Variants in COX7B2 observed in about 807,000 individuals in gnomAD.
COX7B2 encodes the protein cytochrome c oxidase subunit 7B2.
For synonymous variants in COX7B2, 37 were observed against 32.1 expected (o/e 1.15, Z -0.51); for missense variants, 109 against 95.9 (o/e 1.14, Z -0.57).
At chr4:46,805,414 A>ATG (rs1164315527) in intron 2 of COX7B2, among the ~76,000 whole-genome samples, 1 of 152,376 alleles carries the variant, frequency 6.6e-6, no homozygotes. Context: ...AAAACTACTT[A>ATG]TGTGTGTGTG....
chr4:46,757,967 A>G (rs1426572365), intron 2 of COX7B2, among the ~76,000 whole-genome samples: 1 of 152,172 alleles, frequency 6.6e-6, no homozygotes, highest in East Asian at 1.9e-4. Context: ...AGCATAATGC[A>G]GAAGCTTGCA....
At chr4:46,735,520 A>C (rs78163545) in intron 2 of COX7B2, among the ~76,000 whole-genome samples, 1 of 152,292 alleles carries the variant, frequency 6.6e-6, no homozygotes, top group East Asian at 1.9e-4. Context: ...ACTCATCACA[A>C]ATATCCAATG....
At chr4:46,871,515 T>C (rs140783266) in intron 1 of COX7B2, among the ~76,000 whole-genome samples, 8 of 152,192 alleles carry the variant, frequency 5.3e-5, no homozygotes, top group Non-Finnish European at 8.8e-5. Flanking sequence ...TAAAACCTTC[T>C]GCACAGCAAA....
chr4:46,896,478 G>A (rs1719769371), intron 1 of COX7B2, among the ~76,000 whole-genome samples: 2 of 152,028 alleles, frequency 1.3e-5, no homozygotes, highest in Non-Finnish European at 2.9e-5. Flanking sequence ...AATTACACCA[G>A]CATTGTAAAA....
chr4:46,766,843 C>A (rs540816051), intron 2 of COX7B2, among the ~76,000 whole-genome samples: 176 of 152,042 alleles, frequency 1.2e-3, no homozygotes, highest in African/African-American at 4.1e-3. Flanking sequence ...ACCACAAAGT[C>A]AATCTCTGTA....
chr4:46,877,053 CA>C (rs1391957871), intron 1 of COX7B2, among the ~76,000 whole-genome samples: 3 of 152,154 alleles, frequency 2.0e-5, no homozygotes, highest in African/African-American at 7.2e-5. Flanking sequence ...GAACGACTCT[CA>C]AAACCCAGTT....
chr4:46,887,005 T>C (rs1719120800), intron 1 of COX7B2, among the ~76,000 whole-genome samples: 2 of 152,156 alleles, frequency 1.3e-5, no homozygotes, highest in African/African-American at 4.8e-5. Context: ...AAGTGAAATA[T>C]AAAGGCCTTT....
chr4:46,862,369 G>A (rs1038921203), intron 1 of COX7B2, among the ~76,000 whole-genome samples: 4 of 152,138 alleles, frequency 2.6e-5, no homozygotes, highest in African/African-American at 9.7e-5. Flanking sequence ...GCTATCTTAT[G>A]ACTAGAATTC....
chr4:46,755,516 A>G (rs1213650284), intron 2 of COX7B2, among the ~76,000 whole-genome samples: 8 of 152,128 alleles, frequency 5.3e-5, no homozygotes, highest in Non-Finnish European at 7.4e-5. Flanking sequence ...AGAAAATAGG[A>G]AGTCAACGTA....
intron 1 of COX7B2, among the ~76,000 whole-genome samples, chr4:46,872,917 C>T (rs1718086297): frequency 6.6e-6 from 1 of 152,052 alleles, no homozygotes; most frequent in Non-Finnish European, 1.5e-5. Flanking sequence ...TGGTTAGCTG[C>T]ACTCATCAAC....
intron 2 of COX7B2, among the ~76,000 whole-genome samples, chr4:46,841,215 G>A (rs1468164669): frequency 6.6e-6 from 1 of 151,910 alleles, no homozygotes; most frequent in Non-Finnish European, 1.5e-5. Flanking sequence ...TAAAAATGGA[G>A]AGGTGGAATC....
chr4:46,821,970 G>A (rs962782207), intron 2 of COX7B2, among the ~76,000 whole-genome samples: 2 of 152,104 alleles, frequency 1.3e-5, no homozygotes, highest in Non-Finnish European at 2.9e-5. Flanking sequence ...AGAGTGCAGT[G>A]GCGCAATCTC....
chr4:46,868,539 G>T (rs1489167068), intron 1 of COX7B2, among the ~76,000 whole-genome samples: 1 of 152,118 alleles, frequency 6.6e-6, no homozygotes, highest in Admixed American at 6.5e-5. Flanking sequence ...CACTGACTTA[G>T]CTGTGTCCCA....
At chr4:46,781,232 C>A (rs543446925) in intron 2 of COX7B2, among the ~76,000 whole-genome samples, 10 of 152,224 alleles carry the variant, frequency 6.6e-5, no homozygotes, top group African/African-American at 2.4e-4. Context: ...GACTTTATAC[C>A]ATTTAATATA....
chr4:46,861,095 T>A (rs933682960), intron 1 of COX7B2, among the ~76,000 whole-genome samples: 1 of 152,208 alleles, frequency 6.6e-6, no homozygotes, highest in Non-Finnish European at 1.5e-5. Flanking sequence ...GGTTCATTTA[T>A]TCCTTAGTTT....
At chr4:46,899,752 T>G (rs1360939957) in intron 1 of COX7B2, among the ~76,000 whole-genome samples, 1 of 152,214 alleles carries the variant, frequency 6.6e-6, no homozygotes, top group Non-Finnish European at 1.5e-5. Flanking sequence ...GAATGATTAT[T>G]TCTGCAACAA....
intron 1 of COX7B2, among the ~76,000 whole-genome samples, chr4:46,892,710 C>T (rs182235454): frequency 2.2e-4 from 33 of 152,222 alleles, no homozygotes; most frequent in African/African-American, 7.5e-4. Context: ...TGAAATAGGT[C>T]ATTTTATGTC....
chr4:46,776,393 AGTGTGTGTGTGTGT>A (rs34113475), intron 2 of COX7B2, among the ~76,000 whole-genome samples: 5 of 146,532 alleles, frequency 3.4e-5, no homozygotes, highest in Admixed American at 6.8e-5. Context: ...GTAGTTTCAG[AGTGTGTGTGTGTGT>A]GTGTGTGTGT....
intron 2 of COX7B2, among the ~76,000 whole-genome samples, chr4:46,819,663 T>C (rs1714137465): frequency 6.6e-6 from 1 of 152,238 alleles, no homozygotes; most frequent in Non-Finnish European, 1.5e-5. Context: ...GGCCAAGGGT[T>C]AGACAAGCTT....
Sources: gnomAD v4.1 joint callset for allele counts (sites outside exome capture counted in the v4.1 genomes callset) on GRCh38, gnomAD v4.1.1 for gene constraint, MANE v1.5 for transcripts, NCBI Gene and HGNC (gene_info 2026-07-23, HGNC 2026-07-21) for gene names.